ETFB: variants seen among roughly 807,000 people sequenced by gnomAD.
The protein encoded by ETFB is beta-ETF.
Under a neutral mutation model 25.6 loss-of-function variants are expected in ETFB, and 20 were observed. That is an observed-to-expected ratio of 0.78 (90% CI 0.55 to 1.14). ETFB has a LOEUF of 1.14. Ranked by LOEUF, ETFB falls within the 50% of genes most tolerant of loss-of-function variation. The pLI, the probability that ETFB is intolerant of heterozygous loss-of-function variation, is 0.00. For missense variants in ETFB, 286 were observed against 342.6 expected, an observed-to-expected ratio of 0.83 and a Z score of 1.30; for synonymous variants, 142 against 146.7, an observed-to-expected ratio of 0.97 and a Z score of 0.23.
chr19:51,349,742 G>A (rs1055952538), intron 4 of ETFB, among the ~76,000 whole-genome samples: 1 of 152,032 alleles, frequency 6.6e-6, no homozygotes, highest in African/African-American at 2.4e-5. Context: ...ACTGTGCCAA[G>A]CCTGCATTTC....
chr19:51,353,393 T>C, intron 2 of ETFB, 103 bp from the exon 3 acceptor site: 1 of 850,326 alleles, frequency 1.2e-6, no homozygotes, highest in Non-Finnish European at 1.8e-6. Context: ...CAGGGCCCCA[T>C]CCCCTCCTTC....
intron 2 of ETFB, among the ~76,000 whole-genome samples, chr19:51,353,750 G>T (rs193121550): frequency 0.34 from 3,256 of 9,626 alleles, 1,098 homozygotes; most frequent in African/African-American, 0.57. Context: ...AGACCCAGGG[G>T]TCCAGACTTC....
At chr19:51,363,197 G>A (rs1986273017) in intron 1 of ETFB, among the ~76,000 whole-genome samples, 1 of 152,124 alleles carries the variant, frequency 6.6e-6, no homozygotes, top group African/African-American at 2.4e-5. Flanking sequence ...AGAGGTCAGG[G>A]AGTGAGCACG....
chr19:51,354,391 T>G (rs1162917444), intron 1 of ETFB, 83 bp from the exon 2 acceptor site: 1 of 1,614,126 alleles, frequency 6.2e-7, no homozygotes. Context: ...TCTCCCAGGC[T>G]GGATGAGGAC....
In ETFB at chr19:51,354,503, T is replaced by G. The variant is rs747565560; in HGVS notation, c.58-195A>C. 55 of 1,614,024 alleles carry G rather than the reference T, an allele frequency of 3.4e-5. No individual in the cohort carries two copies. Among genetic ancestry groups the G allele is most frequent in the Non-Finnish European group, 4.6e-5 (54 of 1,180,032 alleles). On this transcript the variant is annotated intron_variant, in intron 1 of 5. Transcript: ENST00000309244. ...GGCAGGGGCAGGTCACCCTGTCTCC[T>G]TCTCTCATCCAGCCATTCCTGGGTA...
chr19:51,363,739 G>C (rs887052653), intron 1 of ETFB, among the ~76,000 whole-genome samples: 2 of 152,136 alleles, frequency 1.3e-5, no homozygotes, highest in African/African-American at 2.4e-5. Flanking sequence ...GTGAGCCACC[G>C]CGCCTGGCCG....
intron 1 of ETFB, among the ~76,000 whole-genome samples, chr19:51,357,461 G>A (rs1452317286): frequency 1.4e-5 from 2 of 140,666 alleles, no homozygotes; most frequent in Non-Finnish European, 3.2e-5. Context: ...TTATTTCTTG[G>A]CCCACCACAA....
At chr19:51,363,731 G>A (rs1312586243) in intron 1 of ETFB, among the ~76,000 whole-genome samples, 4 of 152,142 alleles carry the variant, frequency 2.6e-5, no homozygotes, top group Non-Finnish European at 5.9e-5. Flanking sequence ...TTAGAGGTGT[G>A]AGCCACCGCG....
At chr19:51,362,153 G>T (rs1986246979) in intron 1 of ETFB, among the ~76,000 whole-genome samples, 1 of 96,520 alleles carries the variant, frequency 1.0e-5, no homozygotes, top group African/African-American at 3.7e-5. Flanking sequence ...ACACACAGCC[G>T]GACACACATA....
chr19:51,362,099 A>C (rs1251318025), intron 1 of ETFB, among the ~76,000 whole-genome samples: 1 of 151,722 alleles, frequency 6.6e-6, no homozygotes, highest in Non-Finnish European at 1.5e-5. Flanking sequence ...TGAGTTGCCA[A>C]ATACCTATTA....
At chr19:51,365,924 C>G (rs1476074289) in intron 1 of ETFB, among the ~76,000 whole-genome samples, 1 of 152,214 alleles carries the variant, frequency 6.6e-6, no homozygotes, top group African/African-American at 2.4e-5. Flanking sequence ...ACTCTCGGCT[C>G]TGCCCTTCTC....
rs777130490 is a variant in ETFB, at chr19:51,353,222, T to C, written c.285A>G (p.Glu95=). The C allele has an allele frequency of 1.9e-6, 3 of 1,614,002 alleles. No individual in the cohort carries two copies. Among genetic ancestry groups the C allele is most frequent in the Non-Finnish European group, 2.5e-6 (3 of 1,180,014 alleles). ...CCTGCAGGGGACCCAAGCGTTCTGC[T>C]TCTGCTGGGGGCACCTCCACGTGGA... ...RGIHVEVPPA[E]AERLGPLQVA... is the part of the protein sequence containing the mutation. Residue 95 remains glutamate, a synonymous_variant, in exon 3 of 6, where the codon GAA becomes GAG. Transcript: ENST00000309244.
chr19:51,345,306 T>A lies in ETFB; in HGVS notation c.673A>T (p.Ile225Phe). The part of the protein sequence containing the change: ...GVDLTSKLSV[I>F]SVEDPPQRTA... ...CGCTGGGGCGGGTCCTCCACACTGA[T>A]CACAGAGAGCTTGGAGGTCAGGTCC... is the stretch of plus-strand genomic sequence containing the variant. Residue 225 changes from isoleucine to phenylalanine, a missense_variant, in exon 6 of 6, where the codon ATC (isoleucine) becomes TTC (phenylalanine). By Grantham distance (21) the Ile-to-Phe change is conservative. Coordinates refer to ENST00000309244, the MANE Select transcript of ETFB (RefSeq NM_001985.3). The A allele has an allele frequency of 6.2e-7, 1 of 1,614,064 alleles. No individual in the cohort carries two copies. Among genetic ancestry groups the A allele is most frequent in the South Asian group, 1.1e-5 (1 of 91,072 alleles).
rs770380739 is a variant in ETFB, at chr19:51,353,192, A to T, written c.315T>A (p.Ala105=). ...TCTCTGCCAGCTTGGCCAGGACCCG[A>T]GCCACCTGCAGGGGACCCAAGCGTT... ...EAERLGPLQV[A]RVLAKLAEKE... Residue 105 remains alanine, a synonymous_variant, in exon 3 of 6, where the codon GCT becomes GCA. Coordinates refer to ENST00000309244, the MANE Select transcript of ETFB (RefSeq NM_001985.3). The T allele has an allele frequency of 6.2e-6, 10 of 1,614,142 alleles. No homozygotes were observed. In the South Asian group the frequency reaches 8.8e-5, roughly 14 times the overall value.
intron 3 of ETFB, among the ~76,000 whole-genome samples, chr19:51,351,978 G>A (rs983690877): frequency 3.2e-4 from 49 of 151,824 alleles, no homozygotes; most frequent in African/African-American, 9.4e-4. Flanking sequence ...CTCTTCTGAC[G>A]TCCCTCTTCT....
At chr19:51,365,822 A>T (rs1415402103) in intron 1 of ETFB, among the ~76,000 whole-genome samples, 1 of 152,008 alleles carries the variant, frequency 6.6e-6, no homozygotes, top group Non-Finnish European at 1.5e-5. Context: ...ACCCTGTCTG[A>T]CTCCCTCTAT....
Position 51,349,447 on chromosome 19 carries a change from C to CTTT in ETFB, c.438+879_438+881dup, listed in dbSNP as rs11428639. 1.3e-3 allele frequency among the ~76,000 whole-genome samples: 168 copies of CTTT among 134,166 alleles called. 9 individuals are homozygous for CTTT. The highest frequency in any genetic ancestry group is 4.0e-3 in the East Asian group (19 of 4,736). The allele number at this position is 134,166 out of a possible 152,430, so 88.0% of individuals were successfully genotyped here. A position where few individuals can be genotyped will look rare whatever the true frequency, so the allele number is the denominator to read the frequency against. ...TTAAATTTGTCTATGTGCCTTGCTT[C>CTTT]TTTTTTTTTTTTTCTTTTGAGACAG... On this transcript the variant is annotated intron_variant, in intron 4 of 5. Transcript: ENST00000309244.
At chr19:51,351,702 C>T (rs1353718282) in intron 3 of ETFB, among the ~76,000 whole-genome samples, 3 of 152,234 alleles carry the variant, frequency 2.0e-5, no homozygotes, top group African/African-American at 7.2e-5. Flanking sequence ...GATGCCCCTG[C>T]TGTTGATAAT....
At chr19:51,354,421 G>A in intron 1 of ETFB, 113 bp from the exon 2 acceptor site, 1 of 1,613,830 alleles carries the variant, frequency 6.2e-7, no homozygotes, top group Non-Finnish European at 8.5e-7. Flanking sequence ...CTGGAAAGGG[G>A]CAGGGCCTTG....
Sources: gnomAD v4.1 joint callset for allele counts (sites outside exome capture counted in the v4.1 genomes callset) on GRCh38, gnomAD v4.1.1 for gene constraint, MANE v1.5 for transcripts, NCBI Gene and HGNC (gene_info 2026-07-23, HGNC 2026-07-21) for gene names.